The following DDX31 variants were observed in gnomAD, a reference collection of about 807,000 sequenced individuals.
DDX31 encodes DEAD-box helicase 31.
In DDX31, 70 loss-of-function variants were observed where a neutral mutation model predicts 91.3. The observed-to-expected ratio is 0.77, with a 90% CI of 0.63 to 0.94. DDX31 has a LOEUF of 0.94. Ranked by LOEUF, DDX31 falls within the 40% of genes least tolerant of loss-of-function variation. The probability of loss-of-function intolerance (pLI) is 0.00; values close to 1 mark genes in which losing one functional copy is unlikely to be tolerated. For synonymous variants in DDX31, 362 were observed against 350.6 expected, an observed-to-expected ratio of 1.03 and a Z score of -0.36; for missense variants, 902 against 925.0, an observed-to-expected ratio of 0.98 and a Z score of 0.32.
intron 18 of DDX31, among the ~76,000 whole-genome samples, chr9:132,617,713 C>T (rs1442119685): frequency 6.6e-6 from 1 of 152,016 alleles, no homozygotes; most frequent in East Asian, 1.9e-4. Context: ...TGATTACAAA[C>T]CCCCTTCAGC....
chr9:132,657,784 C>T (rs1415803984), intron 6 of DDX31, among the ~76,000 whole-genome samples: 1 of 152,164 alleles, frequency 6.6e-6, no homozygotes, highest in Non-Finnish European at 1.5e-5. Context: ...TGAGATGAAG[C>T]CTCTGCCCAC....
intron 1 of DDX31, chr9:132,663,459 T>A: frequency 1.0e-6 from 1 of 985,468 alleles, no homozygotes; most frequent in South Asian, 4.7e-5. Context: ...TCTTGCCTGT[T>A]GCTTCTTATT....
At chr9:132,618,693 C>A (rs1342982916) in intron 17 of DDX31, among the ~76,000 whole-genome samples, 1 of 152,162 alleles carries the variant, frequency 6.6e-6, no homozygotes, top group Non-Finnish European at 1.5e-5. Context: ...TGACCTCTTA[C>A]CATGCATGTT....
chr9:132,656,156 G>A (rs1357607676), intron 6 of DDX31, among the ~76,000 whole-genome samples: 2 of 152,152 alleles, frequency 1.3e-5, no homozygotes, highest in African/African-American at 2.4e-5. Flanking sequence ...AAAGCAGTCC[G>A]TTCTCACGCC....
At chr9:132,647,782 A>AT (rs1833927995) in intron 11 of DDX31, among the ~76,000 whole-genome samples, 1 of 152,168 alleles carries the variant, frequency 6.6e-6, no homozygotes, top group Non-Finnish European at 1.5e-5. Flanking sequence ...TCATTGATAT[A>AT]TTTTTTAAGT....
At chr9:132,608,218 C>G (rs1295593625) in intron 19 of DDX31, among the ~76,000 whole-genome samples, 1 of 152,158 alleles carries the variant, frequency 6.6e-6, no homozygotes, top group Non-Finnish European at 1.5e-5. Context: ...GTGTATATGT[C>G]TATGTCGGTG....
chr9:132,648,604 G>C lies in DDX31; in HGVS notation c.741-53C>G. ...AAGTAAATCAAACAGGGCCACGCCA[G>C]TAGAAAACACAGGAAAAAGGCAAAA... On this transcript the variant is annotated intron_variant, in intron 9 of 19. Coordinates refer to ENST00000372159, the MANE Select transcript of DDX31 (RefSeq NM_022779.9). The C allele has an allele frequency of 5.1e-6, 8 of 1,553,404 alleles. No individual in the cohort carries two copies. In the South Asian group the frequency reaches 7.4e-5, roughly 14 times the overall value.
At chr9:132,625,394 C>T (rs1192212180) in intron 17 of DDX31, among the ~76,000 whole-genome samples, 4 of 152,088 alleles carry the variant, frequency 2.6e-5, no homozygotes, top group Non-Finnish European at 4.4e-5. Flanking sequence ...TCATTCTGGC[C>T]TGGACCTCCT....
At position 132,662,602 on chromosome 9, in the gene DDX31, T is replaced by G. The variant is rs767713215; in HGVS notation, c.169A>C (p.Thr57Pro). ...NETSFLPAKK[T>P]SVKETQRTFK... ...GTCCTCTGAGTTTCTTTAACACTAG[T>G]TTTCTTGGCTGGGAGAAATGAAGTT... Residue 57 changes from threonine to proline, a missense_variant, in exon 2 of 20, where the codon ACT becomes CCT. Physicochemically the swap from Thr to Pro is conservative, Grantham distance 38. Coordinates refer to ENST00000372159, the MANE Select transcript of DDX31 (RefSeq NM_022779.9). 12 of 1,614,112 alleles carry G rather than the reference T, an allele frequency of 7.4e-6. No homozygotes were observed. The highest frequency in any genetic ancestry group is 3.3e-5 in the Admixed American group (2 of 60,008).
At chr9:132,669,658 G>A (rs1248835047) in intron 1 of DDX31, 3 of 1,531,752 alleles carry the variant, frequency 2.0e-6, no homozygotes, top group Non-Finnish European at 1.7e-6. Context: ...TCCACTCCCC[G>A]CTTCCAGGCG....
chr9:132,645,652 C>A (rs1273123028), intron 13 of DDX31, among the ~76,000 whole-genome samples: 1 of 152,128 alleles, frequency 6.6e-6, no homozygotes, highest in Non-Finnish European at 1.5e-5. Flanking sequence ...GTGGAAGAGA[C>A]CAGCTCCCAG....
intron 14 of DDX31, among the ~76,000 whole-genome samples, chr9:132,634,583 A>ATGTTT (rs1235412389): frequency 9.6e-6 from 1 of 103,748 alleles, no homozygotes; most frequent in African/African-American, 3.0e-5. Context: ...TGTACCTAAG[A>ATGTTT]TGTTTTTTTT....
At chr9:132,669,454 A>G (rs1835566349) in intron 1 of DDX31, 1 of 574,016 alleles carries the variant, frequency 1.7e-6, no homozygotes. Context: ...CTTCCCAGAC[A>G]GGAATGTGGG....
chr9:132,605,221 C>T (rs796895712), intron 19 of DDX31, among the ~76,000 whole-genome samples: 7 of 152,308 alleles, frequency 4.6e-5, no homozygotes, highest in South Asian at 2.1e-4. Context: ...ATTTTGGTTT[C>T]TACTCATCTA....
intron 13 of DDX31, among the ~76,000 whole-genome samples, chr9:132,644,884 T>C (rs1028363228): frequency 1.3e-5 from 2 of 152,242 alleles, no homozygotes; most frequent in African/African-American, 4.8e-5. Flanking sequence ...CTATATAATC[T>C]TGTGGCAAAT....
chr9:132,632,300 T>TCACACACACACACACACACACACACA, intron 14 of DDX31, among the ~76,000 whole-genome samples: 1 of 38,448 alleles, frequency 2.6e-5, no homozygotes, highest in Non-Finnish European at 8.0e-5. Flanking sequence ...ACACACACAG[T>TCACACACACACACACACACACACACA]CCTGCATACA....
chr9:132,630,474 C>A, intron 15 of DDX31, 71 bp from the exon 16 acceptor site: 1 of 1,406,068 alleles, frequency 7.1e-7, no homozygotes. Context: ...TGCAATACTC[C>A]TCACCTGCCT....
intron 17 of DDX31, among the ~76,000 whole-genome samples, chr9:132,620,076 G>A (rs1460546831): frequency 6.6e-6 from 1 of 152,004 alleles, no homozygotes; most frequent in Non-Finnish European, 1.5e-5. Context: ...GGGCAGCCAG[G>A]ACCGAATAAG....
At chr9:132,649,150 T>G (rs1043994801) in intron 9 of DDX31, among the ~76,000 whole-genome samples, 1 of 152,272 alleles carries the variant, frequency 6.6e-6, no homozygotes, top group Non-Finnish European at 1.5e-5. Context: ...CTATGTTGCC[T>G]AGGCTGGTCT....
Sources: gnomAD v4.1 joint callset for allele counts (sites outside exome capture counted in the v4.1 genomes callset) on GRCh38, gnomAD v4.1.1 for gene constraint, MANE v1.5 for transcripts, NCBI Gene and HGNC (gene_info 2026-07-23, HGNC 2026-07-21) for gene names.